The following CRYBB1 variants were observed in gnomAD, a reference collection of about 807,000 sequenced individuals.
CRYBB1 encodes the protein crystallin beta B1.
A neutral mutation model predicts 29.5 loss-of-function variants in CRYBB1; 16 were observed. That is an observed-to-expected ratio of 0.54 (90% CI 0.37 to 0.82). The LOEUF (loss-of-function observed/expected upper bound fraction) is 0.82, where lower values mean the gene tolerates loss of function less well. Among genes scored for constraint, CRYBB1 ranks in the 40% least tolerant of loss-of-function variants. CRYBB1 has a pLI of 0.00. For synonymous variants in CRYBB1, 127 were observed against 136.7 expected, an observed-to-expected ratio of 0.93 and a Z score of 0.49; for missense variants, 300 against 350.5, an observed-to-expected ratio of 0.86 and a Z score of 1.15.
chr22:26,614,110 A>G (rs1301231903), intron 2 of CRYBB1, among the ~76,000 whole-genome samples: 1 of 152,178 alleles, frequency 6.6e-6, no homozygotes, highest in Non-Finnish European at 1.5e-5. Flanking sequence ...ATCAATGACA[A>G]TGGTGCCCAA....
rs372054545 is a variant in CRYBB1 at position 26,601,946 on chromosome 22, C to T, written c.508G>A (p.Asp170Asn). 79 of 1,613,252 alleles carry T rather than the reference C, an allele frequency of 4.9e-5. No homozygotes were observed. Among genetic ancestry groups the T allele is most frequent in the Non-Finnish European group, 6.4e-5 (76 of 1,179,896 alleles). ...CCGTAGACCCAGAGACTGGGTGCGT[C>T]GTCCCCCTGGATCTCTATGGTGTTG... Reference protein sequence around the residue: ...KGNTIEIQGDDAPSLWVYGFS... With the variant: ...KGNTIEIQGDNAPSLWVYGFS... The change falls in exon 5 of 6, where the codon GAC (aspartate) becomes AAC (asparagine). Residue 170 changes from aspartate to asparagine, a missense_variant. By Grantham distance (23) the Asp-to-Asn change is conservative. Transcript: ENST00000647684.
intron 2 of CRYBB1, among the ~76,000 whole-genome samples, chr22:26,613,247 C>T (rs1929237112): frequency 6.6e-6 from 1 of 152,250 alleles, no homozygotes; most frequent in African/African-American, 2.4e-5. Context: ...TTGCCATTCA[C>T]ATGGACCAAG....
chr22:26,616,077 G>A, intron 2 of CRYBB1, 63 bp downstream of exon 2: 2 of 1,273,870 alleles, frequency 1.6e-6, no homozygotes, highest in East Asian at 2.3e-5. Flanking sequence ...AGGAGAAGAA[G>A]GAGGAGGAGG....
Position 26,612,085 on chromosome 22 carries a change from CAAT to C in CRYBB1, c.283_285del (p.Ile95del). 6.2e-7 allele frequency: 1 copy of C among 1,613,136 alleles called. No homozygotes were observed. Among genetic ancestry groups the C allele is most frequent in the Non-Finnish European group, 8.5e-7 (1 of 1,179,446 alleles). ...CCCAGTACTCACGGTCCCGCGGAGA[CAAT>C]GATGCTGCGCACACGGTCGAAGCCA... On this transcript the variant is annotated inframe_deletion, in exon 3 of 6. Transcript: ENST00000647684.
chr22:26,606,660 A>G (rs1928984534), intron 4 of CRYBB1, among the ~76,000 whole-genome samples: 1 of 152,246 alleles, frequency 6.6e-6, no homozygotes, highest in South Asian at 2.1e-4. Context: ...TTCTGCGAAA[A>G]GTGTTGGGAA....
At chr22:26,607,679 T>A (rs1929024326) in intron 4 of CRYBB1, among the ~76,000 whole-genome samples, 1 of 152,160 alleles carries the variant, frequency 6.6e-6, no homozygotes, top group East Asian at 1.9e-4. Flanking sequence ...TGCTTATCAT[T>A]TGCCCAGGGT....
At chr22:26,606,184 T>C (rs1257890640) in intron 4 of CRYBB1, among the ~76,000 whole-genome samples, 5 of 152,122 alleles carry the variant, frequency 3.3e-5, no homozygotes, top group African/African-American at 1.2e-4. Context: ...TTAGAGGGCA[T>C]AGAAAAGATA....
chr22:26,616,608 T>C (rs1224897876), intron 1 of CRYBB1, among the ~76,000 whole-genome samples: 1 of 152,216 alleles, frequency 6.6e-6, no homozygotes, highest in Non-Finnish European at 1.5e-5. Context: ...CCCCGCTAGG[T>C]CCTTCCTTAG....
Position 26,607,997 on chromosome 22 carries a change from G to T in CRYBB1, c.324C>A (p.Asn108Lys). 6.2e-7 allele frequency: 1 copy of T among 1,614,222 alleles called. No homozygotes were observed. Among genetic ancestry groups the T allele is most frequent in the Non-Finnish European group, 8.5e-7 (1 of 1,180,048 alleles). The change falls in exon 4 of 6, where the codon AAC (asparagine) becomes AAA (lysine). Residue 108 changes from asparagine (N) to lysine (K), a missense_variant. Coordinates refer to ENST00000647684, the MANE Select transcript of CRYBB1 (RefSeq NM_001887.4). ...AGPWVAFEQS[N>K]FRGEMFILEK... Reference sequence around the variant, plus strand: ...CCAGGATGAACATCTCCCCGCGGAAGTTGGACTGCTCAAAGGCGACCCAGC... The same window carrying T: ...CCAGGATGAACATCTCCCCGCGGAATTTGGACTGCTCAAAGGCGACCCAGC...
intron 3 of CRYBB1, among the ~76,000 whole-genome samples, chr22:26,610,092 A>G (rs763222859): frequency 2.0e-5 from 3 of 152,160 alleles, no homozygotes; most frequent in Non-Finnish European, 4.4e-5. Context: ...CTTCAGCAGG[A>G]CCAGTGAGGA....
intron 4 of CRYBB1, among the ~76,000 whole-genome samples, chr22:26,603,136 A>AC (rs950274339): frequency 5.4e-5 from 8 of 146,912 alleles, no homozygotes; most frequent in African/African-American, 2.0e-4. Context: ...AAAAAAAAAA[A>AC]AAAAAAAACA....
At chr22:26,601,475 A>G (rs190882688) in intron 5 of CRYBB1, among the ~76,000 whole-genome samples, 2 of 151,582 alleles carry the variant, frequency 1.3e-5, no homozygotes, top group African/African-American at 2.4e-5. Context: ...TTATGATGCA[A>G]ATTCACTGCT....
Position 26,614,134 on chromosome 22 carries a change from A to C in CRYBB1, c.181-1944T>G, listed in dbSNP as rs188703372. On this transcript the variant is annotated intron_variant, in intron 2 of 5. Coordinates refer to ENST00000647684, the MANE Select transcript of CRYBB1 (RefSeq NM_001887.4). ...AATGGTGCCCAAAACTTCATTAGCAATTTTAATTTTGCCCCGGTCCTGTGA... is the reference window on the plus strand; with the variant it reads ...AATGGTGCCCAAAACTTCATTAGCACTTTTAATTTTGCCCCGGTCCTGTGA... Among the ~76,000 whole-genome samples the C allele has an allele frequency of 2.4e-3, 364 of 152,260 alleles. 3 individuals are homozygous for C. The highest frequency in any genetic ancestry group is 4.3e-3 in the Admixed American group (66 of 15,304).
chr22:26,610,744 T>G (rs1929130628), intron 3 of CRYBB1, among the ~76,000 whole-genome samples: 1 of 152,118 alleles, frequency 6.6e-6, no homozygotes. Context: ...CTGTATGATC[T>G]CCCTCAGACC....
At chr22:26,600,114 T>A (rs1928774885) in intron 5 of CRYBB1, among the ~76,000 whole-genome samples, 2 of 152,030 alleles carry the variant, frequency 1.3e-5, no homozygotes, top group Admixed American at 1.3e-4. Flanking sequence ...AAAAATTGGT[T>A]TTCTTGGCTG....
At chr22:26,606,930 G>A (rs1364904631) in intron 4 of CRYBB1, among the ~76,000 whole-genome samples, 1 of 151,314 alleles carries the variant, frequency 6.6e-6, no homozygotes, top group Non-Finnish European at 1.5e-5. Flanking sequence ...TCTTCTGGAA[G>A]TTGACTTAGT....
At chr22:26,611,479 T>G (rs1279293955) in intron 3 of CRYBB1, among the ~76,000 whole-genome samples, 1 of 148,914 alleles carries the variant, frequency 6.7e-6, no homozygotes, top group Non-Finnish European at 1.5e-5. Context: ...GTTTTTTTTT[T>G]TTTTTTGAGA....
chr22:26,606,775 G>GTTCC (rs1205090099), intron 4 of CRYBB1, among the ~76,000 whole-genome samples: 1 of 152,134 alleles, frequency 6.6e-6, no homozygotes, highest in Non-Finnish European at 1.5e-5. Context: ...TCTTATAAAT[G>GTTCC]TTCCCATCAT....
At chr22:26,614,239 C>T (rs1929271813) in intron 2 of CRYBB1, among the ~76,000 whole-genome samples, 1 of 152,146 alleles carries the variant, frequency 6.6e-6, no homozygotes, top group Non-Finnish European at 1.5e-5. Context: ...TGACCCACAC[C>T]TATTCTCACA....
Sources: allele counts gnomAD v4.1 joint callset (sites outside exome capture counted in the v4.1 genomes callset), GRCh38; gene constraint gnomAD v4.1.1; transcripts MANE v1.5; gene names NCBI Gene and HGNC (gene_info 2026-07-23, HGNC 2026-07-21).